Variants in ZC3H12B observed in about 807,000 individuals in gnomAD.
ZC3H12B encodes the protein zinc finger CCCH-type containing 12B.
A neutral mutation model predicts 43.9 loss-of-function variants in ZC3H12B; 7 were observed. The observed-to-expected ratio is 0.16, with a 90% confidence interval of 0.09 to 0.30. The LOEUF is 0.30. Ranked by LOEUF, ZC3H12B falls within the 10% of genes least tolerant of loss-of-function variation. ZC3H12B has a pLI of 1.00. For synonymous variants in ZC3H12B, 222 were observed against 241.7 expected, an observed-to-expected ratio of 0.92 and a Z score of 0.76; for missense variants, 475 against 670.2, an observed-to-expected ratio of 0.71 and a Z score of 3.22.
At chrX:65,161,958 C>T in the ZC3H12B span, among the ~76,000 whole-genome samples, 1 of 111,572 alleles carries the variant, frequency 9.0e-6, no homozygotes, top group East Asian at 2.8e-4. Context: ...TTAGGGCAGG[C>T]CTGGTGGTGA....
chrX:65,448,076 C>CA (rs1441003039), intron 3 of ZC3H12B, among the ~76,000 whole-genome samples: 43 of 109,102 alleles, frequency 3.9e-4, no homozygotes, highest in East Asian at 2.9e-3. Context: ...ACTAAAAATA[C>CA]AAAAAAAAAT....
At chrX:65,157,594 A>G in the ZC3H12B span, among the ~76,000 whole-genome samples, 3 of 111,088 alleles carry the variant, frequency 2.7e-5, no homozygotes, top group East Asian at 2.8e-4. Context: ...CTATATTACT[A>G]TGTTTAAATA....
At chrX:65,200,074 A>G in the ZC3H12B span, among the ~76,000 whole-genome samples, 1 of 111,410 alleles carries the variant, frequency 9.0e-6, no homozygotes, top group Non-Finnish European at 1.9e-5. Flanking sequence ...ACTCCCACCA[A>G]TGGTGTAAAA....
the ZC3H12B span, among the ~76,000 whole-genome samples, chrX:65,243,467 C>A: frequency 9.0e-6 from 1 of 111,266 alleles, no homozygotes; most frequent in Non-Finnish European, 1.9e-5. Flanking sequence ...AAAAAAATAA[C>A]AAGAGATGCT....
chrX:65,038,344 A>G, the ZC3H12B span, among the ~76,000 whole-genome samples: 4 of 111,558 alleles, frequency 3.6e-5, no homozygotes, highest in Non-Finnish European at 5.7e-5. Context: ...CTCAACAAAT[A>G]TAATTGTTAT....
intron 2 of ZC3H12B, among the ~76,000 whole-genome samples, chrX:65,394,052 G>GT (rs946421720): frequency 3.6e-5 from 4 of 111,622 alleles, no homozygotes; most frequent in South Asian, 3.7e-4. Context: ...AGATTGTTTG[G>GT]TTTTTTTCTT....
At chrX:65,130,129 C>T in the ZC3H12B span, among the ~76,000 whole-genome samples, 3 of 111,090 alleles carry the variant, frequency 2.7e-5, no homozygotes, top group Non-Finnish European at 5.7e-5. Flanking sequence ...TTGACAGAGT[C>T]CTCTTTTTTA....
chrX:65,489,347 T>C (rs1447391605), exon 1 of ZC3H12B: 1 of 1,210,536 alleles, frequency 8.3e-7, no homozygotes, highest in Non-Finnish European at 1.1e-6. Flanking sequence ...CTCTTGAAGA[T>C]GAAATAGATA....
At chrX:65,162,118 G>T in the ZC3H12B span, among the ~76,000 whole-genome samples, 1 of 111,711 alleles carries the variant, frequency 9.0e-6, no homozygotes, top group South Asian at 3.8e-4. Flanking sequence ...GGCTTGTAGA[G>T]TTTCTGCCAC....
chrX:65,153,251 A>G, the ZC3H12B span, among the ~76,000 whole-genome samples: 5 of 112,290 alleles, frequency 4.5e-5, no homozygotes, highest in Admixed American at 4.7e-4. Context: ...ATTAAACTAA[A>G]GAGCTTCTGC....
chrX:65,060,103 G>A, the ZC3H12B span, among the ~76,000 whole-genome samples: 1 of 112,216 alleles, frequency 8.9e-6, no homozygotes, highest in Non-Finnish European at 1.9e-5. Context: ...ATTTCTAGTA[G>A]TTTTCTTGTG....
chrX:65,158,843 TG>T, the ZC3H12B span, among the ~76,000 whole-genome samples: 3 of 112,155 alleles, frequency 2.7e-5, no homozygotes, highest in East Asian at 8.3e-4. Flanking sequence ...ATAAAGTCCT[TG>T]CCCATGCCTG....
the ZC3H12B span, among the ~76,000 whole-genome samples, chrX:65,097,913 G>A: frequency 9.0e-6 from 1 of 111,280 alleles, no homozygotes; most frequent in Admixed American, 9.6e-5. Flanking sequence ...TGTGACTTTT[G>A]TGTTCTCATC....
the ZC3H12B span, among the ~76,000 whole-genome samples, chrX:65,160,263 G>T: frequency 1.8e-5 from 2 of 111,871 alleles, no homozygotes; most frequent in Non-Finnish European, 3.8e-5. Flanking sequence ...GTATCAGGAT[G>T]ATGCTGGCCT....
the ZC3H12B span, among the ~76,000 whole-genome samples, chrX:65,270,692 G>T: frequency 8.9e-6 from 1 of 112,045 alleles, no homozygotes; most frequent in South Asian, 3.7e-4. Context: ...TGAACAAAGT[G>T]AGAATTTTAA....
chrX:65,233,843 G>T, the ZC3H12B span, among the ~76,000 whole-genome samples: 1 of 111,103 alleles, frequency 9.0e-6, no homozygotes, highest in South Asian at 3.7e-4. Context: ...ACCAGACTAT[G>T]AAAAACAGGG....
chrX:65,467,166 G>A (rs1299916840), intron 3 of ZC3H12B, among the ~76,000 whole-genome samples: 2 of 105,564 alleles, frequency 1.9e-5, no homozygotes, highest in African/African-American at 6.8e-5. Flanking sequence ...CATACCCATA[G>A]CTTAGCTCCC....
chrX:65,355,518 G>A, the ZC3H12B span, among the ~76,000 whole-genome samples: 1 of 110,761 alleles, frequency 9.0e-6, no homozygotes, highest in African/African-American at 3.3e-5. Context: ...TTTTCATCAG[G>A]AATTCTGGGA....
chrX:65,235,708 G>A, the ZC3H12B span, among the ~76,000 whole-genome samples: 4 of 111,728 alleles, frequency 3.6e-5, no homozygotes, highest in Non-Finnish European at 5.6e-5. Flanking sequence ...CCCAAAACTC[G>A]AAGATGCCAG....
Sources: gnomAD v4.1 joint callset for allele counts (sites outside exome capture counted in the v4.1 genomes callset) on GRCh38, gnomAD v4.1.1 for gene constraint, MANE v1.5 for transcripts, NCBI Gene and HGNC (gene_info 2026-07-23, HGNC 2026-07-21) for gene names.